Variants in MRPL1 observed in about 807,000 individuals in gnomAD.
MRPL1 encodes the protein mitochondrial ribosomal protein L1, also known as large ribosomal subunit protein uL1m.
MRPL1 carries 28 observed loss-of-function variants against 38.0 expected under a neutral mutation model. That is an observed-to-expected ratio of 0.74 (90% CI 0.55 to 1.01). The LOEUF is 1.01. Ranked by LOEUF, MRPL1 falls within the 50% of genes least tolerant of loss-of-function variation. MRPL1 has a pLI of 0.00. For synonymous variants in MRPL1, 123 were observed against 126.7 expected (o/e 0.97, Z 0.20); for missense variants, 358 against 389.8 (o/e 0.92, Z 0.69).
intron 7 of MRPL1, among the ~76,000 whole-genome samples, chr4:77,946,104 C>A (rs1271186393): frequency 6.6e-6 from 1 of 152,134 alleles, no homozygotes; most frequent in Non-Finnish European, 1.5e-5. Context: ...CTTATCTCAA[C>A]CGCGTAAGAC....
intron 5 of MRPL1, 54 bp from the exon 6 acceptor site, chr4:77,894,085 A>G: frequency 2.0e-6 from 2 of 1,001,336 alleles, no homozygotes; most frequent in Non-Finnish European, 3.1e-6. Flanking sequence ...ACTTTTTCAG[A>G]ACGATAAAGC....
At chr4:77,925,462 C>T (rs1203727553) in intron 7 of MRPL1, among the ~76,000 whole-genome samples, 1 of 151,706 alleles carries the variant, frequency 6.6e-6, no homozygotes, top group Non-Finnish European at 1.5e-5. Flanking sequence ...CACCGTTCTC[C>T]TGCCTCAGCC....
At chr4:77,877,337 G>C (rs1321966708) in intron 2 of MRPL1, among the ~76,000 whole-genome samples, 6 of 152,262 alleles carry the variant, frequency 3.9e-5, no homozygotes, top group Non-Finnish European at 8.8e-5. Flanking sequence ...ATCTTGTCAG[G>C]AGTTGAGCTA....
intron 3 of MRPL1, among the ~76,000 whole-genome samples, chr4:77,884,026 C>A (rs2110235591): frequency 6.6e-6 from 1 of 152,174 alleles, no homozygotes; most frequent in Non-Finnish European, 1.5e-5. Flanking sequence ...CATAGATTTC[C>A]TATTTCCTCT....
intron 2 of MRPL1, 47 bp downstream of exon 2, chr4:77,871,902 T>G (rs762708420): frequency 7.7e-7 from 1 of 1,301,480 alleles, no homozygotes; most frequent in South Asian, 1.3e-5. Flanking sequence ...TCATTTTAAT[T>G]TTTTTTAAAA....
At chr4:77,867,501 A>G (rs1304780532) in intron 1 of MRPL1, among the ~76,000 whole-genome samples, 1 of 152,204 alleles carries the variant, frequency 6.6e-6, no homozygotes. Flanking sequence ...CTTACCATCT[A>G]TTGAGGAGCA....
intron 1 of MRPL1, among the ~76,000 whole-genome samples, chr4:77,864,012 T>G (rs1439123082): frequency 3.3e-5 from 5 of 151,598 alleles, no homozygotes; most frequent in African/African-American, 1.2e-4. Context: ...TTTTTTTTTT[T>G]TTTTTTTGAG....
At chr4:77,901,573 A>G (rs907963155) in intron 6 of MRPL1, among the ~76,000 whole-genome samples, 2 of 152,130 alleles carry the variant, frequency 1.3e-5, no homozygotes, top group Admixed American at 1.3e-4. Flanking sequence ...CATAAAAACT[A>G]TAAGCATTAG....
chr4:77,943,419 C>G (rs913873386), intron 7 of MRPL1, among the ~76,000 whole-genome samples: 5 of 152,064 alleles, frequency 3.3e-5, no homozygotes, highest in Admixed American at 6.6e-5. Flanking sequence ...ATTTAGATCT[C>G]TAGCCACGCT....
chr4:77,941,156 T>C (rs1737118678), intron 7 of MRPL1, among the ~76,000 whole-genome samples: 1 of 152,050 alleles, frequency 6.6e-6, no homozygotes, highest in South Asian at 2.1e-4. Flanking sequence ...TCCCAGCTAC[T>C]TGGGAGGTTG....
At chr4:77,918,884 C>T (rs987575360) in intron 7 of MRPL1, among the ~76,000 whole-genome samples, 7 of 151,940 alleles carry the variant, frequency 4.6e-5, no homozygotes, top group African/African-American at 7.3e-5. Flanking sequence ...AATTTAAGAT[C>T]AATTAGAAAT....
At chr4:77,870,239 T>G (rs976705998) in intron 1 of MRPL1, among the ~76,000 whole-genome samples, 1 of 152,194 alleles carries the variant, frequency 6.6e-6, no homozygotes, top group Non-Finnish European at 1.5e-5. Context: ...TTCAAGAGAT[T>G]TTTTTGTTTG....
intron 2 of MRPL1, among the ~76,000 whole-genome samples, chr4:77,877,446 A>G (rs1735423914): frequency 8.3e-6 from 1 of 120,526 alleles, no homozygotes; most frequent in African/African-American, 3.2e-5. Flanking sequence ...GGTTTTTCTC[A>G]GCGTTCCTGT....
intron 6 of MRPL1, among the ~76,000 whole-genome samples, chr4:77,903,227 A>T (rs1736074215): frequency 6.6e-6 from 1 of 151,934 alleles, no homozygotes; most frequent in Non-Finnish European, 1.5e-5. Flanking sequence ...TCAATATAAT[A>T]CACCATGTTA....
At chr4:77,892,166 T>C (rs1288730768) in intron 5 of MRPL1, among the ~76,000 whole-genome samples, 1 of 151,258 alleles carries the variant, frequency 6.6e-6, no homozygotes, top group Non-Finnish European at 1.5e-5. Context: ...AGTTTCGCTC[T>C]TGTTGCCCAG....
intron 7 of MRPL1, among the ~76,000 whole-genome samples, chr4:77,949,023 G>C (rs1442490711): frequency 6.6e-6 from 1 of 152,122 alleles, no homozygotes; most frequent in East Asian, 1.9e-4. Flanking sequence ...CGCCTGCCTT[G>C]GCCTCCCAAA....
At chr4:77,950,414 C>G (rs552961414) in intron 8 of MRPL1, among the ~76,000 whole-genome samples, 26 of 152,208 alleles carry the variant, frequency 1.7e-4, no homozygotes, top group African/African-American at 5.8e-4. Flanking sequence ...CACAGGCATC[C>G]AGTTTCTTTA....
chr4:77,948,009 A>G (rs1387825062), intron 7 of MRPL1, among the ~76,000 whole-genome samples: 2 of 152,196 alleles, frequency 1.3e-5, no homozygotes, highest in African/African-American at 4.8e-5. Context: ...TAATTGTTTT[A>G]TATTTCTGAA....
At chr4:77,932,867 A>T (rs182104875) in intron 7 of MRPL1, among the ~76,000 whole-genome samples, 1 of 152,178 alleles carries the variant, frequency 6.6e-6, no homozygotes, top group East Asian at 1.9e-4. Flanking sequence ...TGGTACTAAA[A>T]AGGTTGGGAC....
Sources: allele counts gnomAD v4.1 joint callset (sites outside exome capture counted in the v4.1 genomes callset), GRCh38; gene constraint gnomAD v4.1.1; transcripts MANE v1.5; gene names NCBI Gene and HGNC (gene_info 2026-07-23, HGNC 2026-07-21).